DLC1: variants seen among roughly 807,000 people sequenced by gnomAD.
The protein encoded by DLC1 is DLC1 Rho GTPase activating protein, also known as rho GTPase-activating protein 7.
Under a neutral mutation model 140.3 loss-of-function variants are expected in DLC1, and 54 were observed. That is an observed-to-expected ratio of 0.38 (90% CI 0.31 to 0.48). The LOEUF is 0.48. Ranked by LOEUF, DLC1 falls within the 20% of genes least tolerant of loss-of-function variation. The pLI, the probability that DLC1 is intolerant of heterozygous loss-of-function variation, is 0.96. For synonymous variants in DLC1, 986 were observed against 728.1 expected (o/e 1.35, Z -5.70); for missense variants, 2,536 against 1,907.0 (o/e 1.33, Z -6.14).
At chr8:13,162,952 T>A (rs1824830501) in intron 5 of DLC1, among the ~76,000 whole-genome samples, 1 of 152,180 alleles carries the variant, frequency 6.6e-6, no homozygotes, top group Non-Finnish European at 1.5e-5. Flanking sequence ...GGCTTGAGGA[T>A]TCTTACATAC....
At chr8:13,116,291 C>T (rs1250842855) in intron 5 of DLC1, 1 of 935,648 alleles carries the variant, frequency 1.1e-6, no homozygotes, top group Non-Finnish European at 1.3e-6. Flanking sequence ...AAGCTTCTAC[C>T]TCCCTGTGGT....
At chr8:13,170,710 A>G (rs1825413101) in intron 5 of DLC1, among the ~76,000 whole-genome samples, 1 of 148,842 alleles carries the variant, frequency 6.7e-6, no homozygotes, top group South Asian at 2.2e-4. Context: ...AGCCTGGGCG[A>G]CAGAGCAAGA....
intron 5 of DLC1, among the ~76,000 whole-genome samples, chr8:13,185,553 C>T (rs762086984): frequency 1.3e-4 from 20 of 152,182 alleles, no homozygotes; most frequent in African/African-American, 2.6e-4. Context: ...GTGATCTGCT[C>T]GCCTTGGCCT....
intron 5 of DLC1, among the ~76,000 whole-genome samples, chr8:13,119,031 C>A (rs1340357438): frequency 6.6e-6 from 1 of 151,988 alleles, no homozygotes; most frequent in African/African-American, 2.4e-5. Context: ...GAGTTCAAGA[C>A]AAGCCTGAAG....
chr8:13,142,145 T>TC (rs1823047430), intron 5 of DLC1, among the ~76,000 whole-genome samples: 1 of 152,230 alleles, frequency 6.6e-6, no homozygotes, highest in South Asian at 2.1e-4. Context: ...TGCTTCAGCT[T>TC]CCGCCATGAT....
At chr8:13,179,128 G>A (rs536884536) in intron 5 of DLC1, among the ~76,000 whole-genome samples, 1 of 152,264 alleles carries the variant, frequency 6.6e-6, no homozygotes, top group African/African-American at 2.4e-5. Flanking sequence ...AAAATAATTT[G>A]AAGAATTTCA....
At chr8:13,157,281 A>G (rs1366686821) in intron 5 of DLC1, among the ~76,000 whole-genome samples, 1 of 152,218 alleles carries the variant, frequency 6.6e-6, no homozygotes, top group African/African-American at 2.4e-5. Context: ...AAAGAAAAAA[A>G]AGAATACGTG....
intron 1 of DLC1, among the ~76,000 whole-genome samples, chr8:13,539,350 C>T (rs1585254450): frequency 6.6e-6 from 1 of 152,230 alleles, no homozygotes; most frequent in Non-Finnish European, 1.5e-5. Flanking sequence ...CAGGTGCACG[C>T]CACCACACCC....
chr8:13,286,742 A>C (rs1831548002), intron 5 of DLC1, among the ~76,000 whole-genome samples: 1 of 151,380 alleles, frequency 6.6e-6, no homozygotes, highest in African/African-American at 2.4e-5. Context: ...AAAAAAAAAA[A>C]CACATGAAAA....
intron 4 of DLC1, among the ~76,000 whole-genome samples, chr8:13,371,473 G>T (rs1002838280): frequency 6.6e-6 from 1 of 152,062 alleles, no homozygotes. Context: ...ACCAGCCTCT[G>T]CTCCTCAGCT....
intron 2 of DLC1, among the ~76,000 whole-genome samples, chr8:13,420,653 G>T (rs1400843487): frequency 6.6e-6 from 1 of 152,092 alleles, no homozygotes; most frequent in Non-Finnish European, 1.5e-5. Context: ...AGAACATGCA[G>T]TATTTGGTTT....
chr8:13,166,092 T>C (rs1248845325), intron 5 of DLC1, among the ~76,000 whole-genome samples: 2 of 152,144 alleles, frequency 1.3e-5, no homozygotes, highest in African/African-American at 4.8e-5. Flanking sequence ...TTCCTCCTGG[T>C]GTTTCCCTAA....
chr8:13,549,789 G>T (rs1012501857), intron 1 of DLC1, among the ~76,000 whole-genome samples: 4 of 152,072 alleles, frequency 2.6e-5, no homozygotes, highest in Admixed American at 2.0e-4. Context: ...GGCATGTCAT[G>T]CATTTGGATT....
chr8:13,360,234 C>G (rs1034904247), intron 4 of DLC1, among the ~76,000 whole-genome samples: 4 of 148,692 alleles, frequency 2.7e-5, no homozygotes, highest in Middle Eastern at 3.2e-3. Flanking sequence ...ACATAAAACA[C>G]TCAGTACAGA....
At chr8:13,120,356 A>AAAAAAAATAT in intron 5 of DLC1, among the ~76,000 whole-genome samples, 10 of 61,136 alleles carry the variant, frequency 1.6e-4, no homozygotes, top group African/African-American at 3.7e-4. Flanking sequence ...AAAAAAAAAA[A>AAAAAAAATAT]ATATATATAT....
intron 1 of DLC1, among the ~76,000 whole-genome samples, chr8:13,573,751 C>T (rs1263182287): frequency 6.6e-6 from 1 of 152,098 alleles, no homozygotes. Flanking sequence ...TGCTCATAAC[C>T]TCACCTTTGC....
At chr8:13,387,793 C>T (rs145182866) in intron 4 of DLC1, among the ~76,000 whole-genome samples, 4 of 152,038 alleles carry the variant, frequency 2.6e-5, no homozygotes, top group African/African-American at 9.6e-5. Flanking sequence ...TGCAATGATC[C>T]ATTAGGAAAT....
At chr8:13,221,316 C>T (rs1204323794) in intron 5 of DLC1, among the ~76,000 whole-genome samples, 1 of 152,000 alleles carries the variant, frequency 6.6e-6, no homozygotes, top group East Asian at 1.9e-4. Flanking sequence ...AGGATCCCTG[C>T]TCACGGGCCT....
chr8:13,462,000 T>G (rs1356627204), intron 2 of DLC1, among the ~76,000 whole-genome samples: 2 of 152,184 alleles, frequency 1.3e-5, no homozygotes, highest in African/African-American at 2.4e-5. Flanking sequence ...AAGCCCCGTT[T>G]TACGATCTTT....
Sources: allele counts gnomAD v4.1 joint callset (sites outside exome capture counted in the v4.1 genomes callset), GRCh38; gene constraint gnomAD v4.1.1; transcripts MANE v1.5; gene names NCBI Gene and HGNC (gene_info 2026-07-23, HGNC 2026-07-21).